PPFIBP2: variants seen among roughly 807,000 people sequenced by gnomAD.
PPFIBP2 encodes the protein liprin-beta-2.
Under a neutral mutation model 118.3 loss-of-function variants are expected in PPFIBP2, and 118 were observed. That is an observed-to-expected ratio of 1.00 (90% CI 0.86 to 1.16). PPFIBP2 has a LOEUF of 1.16. PPFIBP2 is among the 50% of genes most tolerant of loss of function. The pLI is 0.00. For synonymous variants in PPFIBP2, 414 were observed against 397.4 expected (o/e 1.04, Z -0.50); for missense variants, 1,195 against 1,073.1 (o/e 1.11, Z -1.59).
intron 10 of PPFIBP2, among the ~76,000 whole-genome samples, chr11:7,630,103 T>G (rs1850559363): frequency 1.3e-5 from 2 of 152,212 alleles, no homozygotes; most frequent in Admixed American, 1.3e-4. Flanking sequence ...TGTGCCGGGC[T>G]GCCTTCATTG....
chr11:7,514,993 C>T (rs1460805233), intron 1 of PPFIBP2, among the ~76,000 whole-genome samples: 5 of 152,156 alleles, frequency 3.3e-5, no homozygotes, highest in Non-Finnish European at 7.3e-5. Context: ...TAATACAAAT[C>T]TGAAGTGTTT....
At chr11:7,646,674 G>A (rs1255451176) in intron 17 of PPFIBP2, among the ~76,000 whole-genome samples, 1 of 152,158 alleles carries the variant, frequency 6.6e-6, no homozygotes, top group Non-Finnish European at 1.5e-5. Flanking sequence ...GTAATAAGCT[G>A]TAATTACATC....
intron 11 of PPFIBP2, among the ~76,000 whole-genome samples, chr11:7,631,736 A>G (rs1392416594): frequency 6.6e-6 from 1 of 152,218 alleles, no homozygotes; most frequent in Non-Finnish European, 1.5e-5. Context: ...GAGCAAAAGC[A>G]TCATCCAGTG....
chr11:7,628,460 T>C, intron 9 of PPFIBP2, 114 bp downstream of exon 9: 1 of 975,324 alleles, frequency 1.0e-6, no homozygotes, highest in East Asian at 2.5e-5. Context: ...GCCATTGACA[T>C]AGGGATATGT....
chr11:7,516,987 G>A (rs1432954862), intron 1 of PPFIBP2, among the ~76,000 whole-genome samples: 1 of 152,070 alleles, frequency 6.6e-6, no homozygotes, highest in African/African-American at 2.4e-5. Flanking sequence ...TAGGGGTGGT[G>A]TGGGCTCCTT....
chr11:7,592,771 C>T (rs1018251722), intron 3 of PPFIBP2, among the ~76,000 whole-genome samples: 1 of 152,212 alleles, frequency 6.6e-6, no homozygotes, highest in African/African-American at 2.4e-5. Context: ...CCAATCTCCT[C>T]AAAGAGCAGA....
At chr11:7,574,735 G>A (rs997097630) in intron 3 of PPFIBP2, among the ~76,000 whole-genome samples, 2 of 152,194 alleles carry the variant, frequency 1.3e-5, no homozygotes, top group East Asian at 1.9e-4. Flanking sequence ...GTGAGTGAGC[G>A]AGGAGGTGCC....
intron 14 of PPFIBP2, among the ~76,000 whole-genome samples, chr11:7,638,480 T>C (rs955944047): frequency 1.3e-5 from 2 of 152,230 alleles, no homozygotes; most frequent in Non-Finnish European, 2.9e-5. Flanking sequence ...GTTCAATGAA[T>C]GAACTGAATC....
chr11:7,515,158 G>T (rs934363008), intron 1 of PPFIBP2, among the ~76,000 whole-genome samples: 1 of 152,262 alleles, frequency 6.6e-6, no homozygotes, highest in Admixed American at 6.5e-5. Context: ...TTTCTCTTTG[G>T]CTTAAGAGAG....
In PPFIBP2 at chr11:7,524,462, A is replaced by G. The variant is rs113984391; in HGVS notation, c.-37+10341A>G. On this transcript the variant is annotated intron_variant, in intron 1 of 23. Transcript: ENST00000299492. ...AGGAAAGGATAGAGCAGAACTTCCAACTTTGGTGGATTTGACAAATGGCTT... is the reference window on the plus strand; with the variant it reads ...AGGAAAGGATAGAGCAGAACTTCCAGCTTTGGTGGATTTGACAAATGGCTT... Among the ~76,000 whole-genome samples the G allele has an allele frequency of 2.5e-3, 381 of 152,312 alleles. 2 individuals are homozygous for G. The highest frequency in any genetic ancestry group is 8.9e-3 in the African/African-American group (370 of 41,558).
chr11:7,582,260 G>C (rs991537453), intron 3 of PPFIBP2, among the ~76,000 whole-genome samples: 1 of 152,152 alleles, frequency 6.6e-6, no homozygotes, highest in Non-Finnish European at 1.5e-5. Context: ...CCTTGATTCT[G>C]AAAAGAGAGG....
intron 3 of PPFIBP2, among the ~76,000 whole-genome samples, chr11:7,582,909 C>T (rs897282393): frequency 6.6e-6 from 1 of 152,174 alleles, no homozygotes; most frequent in African/African-American, 2.4e-5. Context: ...TGTTTCTTCT[C>T]TCAGCTCCTC....
intron 1 of PPFIBP2, among the ~76,000 whole-genome samples, chr11:7,515,998 G>A (rs1291266548): frequency 2.0e-5 from 3 of 152,228 alleles, no homozygotes; most frequent in Non-Finnish European, 4.4e-5. Flanking sequence ...ATTCCCAGGA[G>A]CTTGCTGATC....
At position 7,560,608 on chromosome 11, in the gene PPFIBP2, A is replaced by T. The variant is rs185453160; in HGVS notation, c.65-4945A>T. On this transcript the variant is annotated intron_variant, in intron 2 of 23. Coordinates refer to ENST00000299492, the MANE Select transcript of PPFIBP2 (RefSeq NM_003621.5). ...AAGATGCTGCTGAGATTATTCTTATATATTAATCTTTGACTACGTGTCTGG... is the reference window on the plus strand; with the variant it reads ...AAGATGCTGCTGAGATTATTCTTATTTATTAATCTTTGACTACGTGTCTGG... Among the ~76,000 whole-genome samples, 10 of 152,334 alleles carry T rather than the reference A, an allele frequency of 6.6e-5. No individual in the cohort carries two copies. The East Asian group carries it at 1.9e-3, about 29-fold the overall frequency.
chr11:7,601,815 C>A (rs1846668838), intron 5 of PPFIBP2, among the ~76,000 whole-genome samples: 1 of 151,974 alleles, frequency 6.6e-6, no homozygotes, highest in Non-Finnish European at 1.5e-5. Flanking sequence ...CAAAATTAGA[C>A]AGGTGTGGTG....
At chr11:7,597,787 C>T (rs1472356281) in intron 5 of PPFIBP2, 114 bp downstream of exon 5, 44 of 875,184 alleles carry the variant, frequency 5.0e-5, no homozygotes, top group Admixed American at 1.1e-4. Context: ...TGCCTGGGGG[C>T]GGGATTGGCT....
intron 14 of PPFIBP2, among the ~76,000 whole-genome samples, chr11:7,637,914 G>A (rs959307022): frequency 6.6e-6 from 1 of 152,164 alleles, no homozygotes; most frequent in Admixed American, 6.5e-5. Context: ...AGCTCCCCGG[G>A]TGGCCCACTT....
the PPFIBP2 span, among the ~76,000 whole-genome samples, chr11:7,662,776 C>G: frequency 6.6e-6 from 1 of 151,856 alleles, no homozygotes; most frequent in South Asian, 2.1e-4. Flanking sequence ...CCATCACATT[C>G]AGGTCCACCA....
chr11:7,610,038 G>A (rs183370525), intron 5 of PPFIBP2, among the ~76,000 whole-genome samples: 3 of 152,264 alleles, frequency 2.0e-5, no homozygotes. Flanking sequence ...GTCTCTATGG[G>A]CAAACACATT....
Sources: gnomAD v4.1 joint callset for allele counts (sites outside exome capture counted in the v4.1 genomes callset) on GRCh38, gnomAD v4.1.1 for gene constraint, MANE v1.5 for transcripts, NCBI Gene and HGNC (gene_info 2026-07-23, HGNC 2026-07-21) for gene names.